The following GDPD4 variants were observed in gnomAD, a reference collection of about 807,000 sequenced individuals.
GDPD4 encodes the protein glycerophosphodiester phosphodiesterase domain containing 4, also known as glycerophosphodiester phosphodiesterase 6.
Under a neutral mutation model 67.8 loss-of-function variants are expected in GDPD4, and 60 were observed. The ratio of observed to expected loss-of-function variants is 0.88; its 90% confidence interval spans 0.72 to 1.10. The LOEUF is 1.10. Among genes scored for constraint, GDPD4 ranks in the 50% least tolerant of loss-of-function variants. The pLI is 0.00. For missense variants in GDPD4, 623 were observed against 613.9 expected (o/e 1.01, Z -0.16); for synonymous variants, 212 against 210.9 (o/e 1.00, Z -0.04).
intron 1 of GDPD4, among the ~76,000 whole-genome samples, chr11:77,300,910 TG>T (rs561504504): frequency 7.7e-4 from 117 of 152,318 alleles, no homozygotes; most frequent in South Asian, 7.7e-3. Flanking sequence ...TTGCAAATAC[TG>T]GGGTGTCCAA....
intron 8 of GDPD4, 103 bp downstream of exon 8, chr11:77,269,780 C>G (rs573399616): frequency 3.1e-6 from 2 of 643,928 alleles, no homozygotes; most frequent in East Asian, 5.4e-5. Flanking sequence ...AGCCATTCCC[C>G]AAGACTTACT....
intron 10 of GDPD4, among the ~76,000 whole-genome samples, chr11:77,266,409 G>A (rs2135867459): frequency 6.6e-6 from 1 of 152,114 alleles, no homozygotes; most frequent in Middle Eastern, 3.4e-3. Context: ...TAAAAGTATA[G>A]CACATACAAC....
In GDPD4 at chr11:77,228,135, CTG is replaced by C. The variant is rs1958378646; in HGVS notation, c.1473-221_1473-220del. Among the ~76,000 whole-genome samples the C allele has an allele frequency of 2.6e-5, 4 of 152,156 alleles. No homozygotes were observed. In the East Asian group the frequency reaches 7.9e-4, roughly 30 times the overall value. The stretch of plus-strand genomic sequence containing the variant: ...CCTGTAATGCCAGCACTTTGGGAGG[CTG>C]AGGCAGGCGGATCACCTGAGGCGGG... On this transcript the variant is annotated intron_variant, in intron 15 of 16. Coordinates refer to ENST00000315938, the MANE Select transcript of GDPD4 (RefSeq NM_182833.3).
intron 1 of GDPD4, among the ~76,000 whole-genome samples, chr11:77,290,463 A>G (rs1937735943): frequency 6.6e-6 from 1 of 152,204 alleles, no homozygotes; most frequent in South Asian, 2.1e-4. Flanking sequence ...AACAAGAGAA[A>G]TTTTTGAAAC....
chr11:77,219,959 A>G (rs1366843799), intron 16 of GDPD4, among the ~76,000 whole-genome samples: 1 of 152,158 alleles, frequency 6.6e-6, no homozygotes, highest in East Asian at 1.9e-4. Flanking sequence ...GTGTATAGGA[A>G]TGCTTGTGAG....
chr11:77,293,482 C>T (rs997660114), intron 1 of GDPD4, among the ~76,000 whole-genome samples: 4 of 151,536 alleles, frequency 2.6e-5, no homozygotes, highest in Non-Finnish European at 4.4e-5. Context: ...GTAGTCCCAG[C>T]TTCTTGGGAG....
intron 1 of GDPD4, among the ~76,000 whole-genome samples, chr11:77,297,565 CT>C (rs1938018838): frequency 6.6e-6 from 1 of 151,588 alleles, no homozygotes; most frequent in African/African-American, 2.4e-5. Flanking sequence ...AGTAGATGCT[CT>C]GGAGCTCCTT....
chr11:77,217,445 T>C (rs2135813065), intron 16 of GDPD4, 131 bp from the exon 17 acceptor site: 1 of 784,754 alleles, frequency 1.3e-6, no homozygotes, highest in Non-Finnish European at 2.2e-6. Context: ...CTCCAAGCTC[T>C]CCCCTCTACC....
intron 11 of GDPD4, among the ~76,000 whole-genome samples, chr11:77,248,706 T>C (rs191376760): frequency 8.5e-4 from 129 of 152,064 alleles, no homozygotes; most frequent in Admixed American, 2.2e-3. Flanking sequence ...GCACTTTCCC[T>C]GTACATTTAT....
At chr11:77,248,888 ATTT>A (rs568506140) in intron 11 of GDPD4, among the ~76,000 whole-genome samples, 21 of 122,366 alleles carry the variant, frequency 1.7e-4, no homozygotes, top group Non-Finnish European at 2.0e-4. Flanking sequence ...TGCCCGGCTA[ATTT>A]TTTTTTTTTT....
chr11:77,266,169 T>C (rs947903754), intron 10 of GDPD4, among the ~76,000 whole-genome samples: 1 of 152,202 alleles, frequency 6.6e-6, no homozygotes, highest in African/African-American at 2.4e-5. Context: ...TTCTGTGGAA[T>C]AAATGCCCAG....
At chr11:77,272,506 C>T (rs920521470) in intron 5 of GDPD4, among the ~76,000 whole-genome samples, 6 of 152,014 alleles carry the variant, frequency 3.9e-5, no homozygotes, top group East Asian at 1.9e-4. Context: ...CTGGGAGCAG[C>T]GGCTCCCATC....
chr11:77,282,596 A>G (rs139357419), intron 3 of GDPD4, among the ~76,000 whole-genome samples: 121 of 151,912 alleles, frequency 8.0e-4, no homozygotes, highest in African/African-American at 2.8e-3. Context: ...AGAGGCTGCA[A>G]TGAGCCAAGC....
chr11:77,245,604 T>C (rs7938075), intron 11 of GDPD4, 102 bp from the exon 12 acceptor site: 235,563 of 711,106 alleles, frequency 0.33, 42,306 homozygotes, highest in South Asian at 0.44. Context: ...TATCATTCAA[T>C]CCATCAGGCC....
intron 1 of GDPD4, among the ~76,000 whole-genome samples, chr11:77,298,329 T>C (rs1938046326): frequency 6.6e-6 from 1 of 152,058 alleles, no homozygotes; most frequent in South Asian, 2.1e-4. Context: ...CTGACCAACA[T>C]GGTGAAACCC....
intron 2 of GDPD4, among the ~76,000 whole-genome samples, chr11:77,285,416 A>G (rs1767989017): frequency 6.6e-6 from 1 of 152,194 alleles, no homozygotes. Context: ...CTGATGCTAC[A>G]CTGTTTCTTC....
intron 11 of GDPD4, 104 bp downstream of exon 11, chr11:77,258,282 T>A (rs1232089732): frequency 2.7e-6 from 3 of 1,110,618 alleles, no homozygotes; most frequent in Non-Finnish European, 4.0e-6. Flanking sequence ...TGAAATCGTG[T>A]GGATACTTGC....
chr11:77,231,911 G>A (rs1253123564), intron 14 of GDPD4, among the ~76,000 whole-genome samples: 1 of 152,212 alleles, frequency 6.6e-6, no homozygotes, highest in Non-Finnish European at 1.5e-5. Flanking sequence ...AGCTGACCAA[G>A]CCACCATAGT....
intron 5 of GDPD4, among the ~76,000 whole-genome samples, chr11:77,272,312 A>T (rs1171976737): frequency 1.3e-5 from 2 of 152,232 alleles, no homozygotes; most frequent in Non-Finnish European, 2.9e-5. Flanking sequence ...ACAAGAACAG[A>T]AAATACATAC....
Sources: gnomAD v4.1 joint callset for allele counts (sites outside exome capture counted in the v4.1 genomes callset) on GRCh38, gnomAD v4.1.1 for gene constraint, MANE v1.5 for transcripts, NCBI Gene and HGNC (gene_info 2026-07-23, HGNC 2026-07-21) for gene names.